SLITRK6: variants seen among roughly 807,000 people sequenced by gnomAD.
SLITRK6 encodes SLIT and NTRK-like protein 6.
SLITRK6 carries 35 observed loss-of-function variants against 55.6 expected under a neutral mutation model. The observed-to-expected ratio is 0.63, with a 90% confidence interval of 0.48 to 0.83. The LOEUF is 0.83. Ranked by LOEUF, SLITRK6 falls within the 40% of genes least tolerant of loss-of-function variation. SLITRK6 has a pLI of 0.00. For missense variants in SLITRK6, 977 were observed against 986.4 expected, an observed-to-expected ratio of 0.99 and a Z score of 0.13; for synonymous variants, 392 against 359.6, an observed-to-expected ratio of 1.09 and a Z score of -1.02.
At position 85,795,201 on chromosome 13, in the gene SLITRK6, A is replaced by G; in HGVS notation, c.1308T>C (p.Asn436=). The G allele has an allele frequency of 6.2e-7, 1 of 1,612,480 alleles. No homozygotes were observed. Among genetic ancestry groups the G allele is most frequent in the Non-Finnish European group, 8.5e-7 (1 of 1,179,288 alleles). The part of the protein sequence containing the change: ...LSKGMFLGLH[N]LEYLYLEYNA... ...TGTATTCAAGATATAAGTATTCAAG[A>G]TTATGGAGACCAAGGAACATGCCTT... The change falls in exon 2 of 2, where the codon AAT becomes AAC. Residue 436 remains asparagine (N), a synonymous_variant. Coordinates refer to ENST00000647374, the MANE Select transcript of SLITRK6 (RefSeq NM_032229.3).
rs767538981 is a variant in SLITRK6 at position 85,796,125 on chromosome 13, T to C, written c.384A>G (p.Lys128=). 4 of 1,612,216 alleles carry C rather than the reference T, an allele frequency of 2.5e-6. No homozygotes were observed. The highest frequency in any genetic ancestry group is 3.4e-6 in the Non-Finnish European group (4 of 1,179,268). Residue 128 remains lysine (K), a synonymous_variant, in exon 2 of 2, where the codon AAA becomes AAG. Coordinates refer to ENST00000647374, the MANE Select transcript of SLITRK6 (RefSeq NM_032229.3). ...HINHNSLEIL[K]EDTFHGLENL... is the part of the protein sequence containing the mutation. ...TTTCCAGTCCATGGAAAGTATCCTC[T>C]TTAAGAATTTCTAAAGAATTGTGAT...
At position 85,793,874 on chromosome 13, in the gene SLITRK6, G is replaced by T; in HGVS notation, c.*109C>A. The T allele has an allele frequency of 2.4e-6, 3 of 1,255,696 alleles. No homozygotes were observed. Among genetic ancestry groups the T allele is most frequent in the Non-Finnish European group, 2.2e-6 (2 of 927,218 alleles). The allele number at this position is 1,255,696 out of a possible 1,614,324, so 77.8% of individuals were successfully genotyped here. A position where few individuals can be genotyped will look rare whatever the true frequency, so the allele number is the denominator to read the frequency against. On this transcript the variant is annotated 3_prime_UTR_variant, in exon 2 of 2. Transcript: ENST00000647374. ...TCTTTTTTTTTCCCCATAGTTTACT[G>T]CTGTGCTTAGGTTCTGATTGATGAC...
Position 85,796,406 on chromosome 13 carries a change from A to C in SLITRK6, c.103T>G (p.Cys35Gly). Residue 35 changes from cysteine to glycine, a missense_variant, in exon 2 of 2, where the codon TGC (cysteine) becomes GGC (glycine). Cys to Gly is a radical substitution (Grantham distance 159, BLOSUM62 -3). Transcript: ENST00000647374. ...GTGCCATCTTTTTCCTCACAATTGCAAAGAGAATCACAAGAGCCTCTGGAT... is the reference window on the plus strand; with the variant it reads ...GTGCCATCTTTTTCCTCACAATTGCCAAGAGAATCACAAGAGCCTCTGGAT... ...LSSRGSCDSL[C>G]NCEEKDGTML... The C allele has an allele frequency of 6.2e-7, 1 of 1,612,486 alleles. No homozygotes were observed. The highest frequency in any genetic ancestry group is 8.5e-7 in the Non-Finnish European group (1 of 1,179,136).
intron 1 of SLITRK6, among the ~76,000 whole-genome samples, chr13:85,796,812 T>G (rs1040769273): frequency 3.3e-5 from 5 of 151,732 alleles, no homozygotes; most frequent in Admixed American, 6.6e-5. Context: ...TGTGCTCACA[T>G]CTGATGAATA....
chr13:85,793,908 G>C lies in SLITRK6; in HGVS notation c.*75C>G. On this transcript the variant is annotated 3_prime_UTR_variant, in exon 2 of 2. Transcript: ENST00000647374. Reference sequence around the variant, plus strand: ...AGGTTCTGATTGATGACACACTCACGTAAGGCACTTATTTACAAGGTATGG... The same window carrying C: ...AGGTTCTGATTGATGACACACTCACCTAAGGCACTTATTTACAAGGTATGG... 1 of 1,492,830 alleles carries C rather than the reference G, an allele frequency of 6.7e-7. No individual in the cohort carries two copies. The highest frequency in any genetic ancestry group is 9.0e-7 in the Non-Finnish European group (1 of 1,116,388). The allele number at this position is 1,492,830 out of a possible 1,614,324, so 92.5% of individuals were successfully genotyped here. A position where few individuals can be genotyped will look rare whatever the true frequency, so the allele number is the denominator to read the frequency against.
At chr13:85,798,010 T>C (rs184739118) in intron 1 of SLITRK6, among the ~76,000 whole-genome samples, 1 of 152,020 alleles carries the variant, frequency 6.6e-6, no homozygotes, top group African/African-American at 2.4e-5. Context: ...TCAACAATCC[T>C]GAAAGTAAAC....
At position 85,794,954 on chromosome 13, in the gene SLITRK6, A is replaced by G. The variant is rs1200848224; in HGVS notation, c.1555T>C (p.Trp519Arg). ...LTQIDLEDNP[W>R]DCSCDLVGLQ... ...CCAACCAGGTCACAGGAGCAGTCCC[A>G]GGGGTTATCCTCAAGGTCAATCTGG... The change falls in exon 2 of 2, where the codon TGG (tryptophan) becomes CGG (arginine). Residue 519 changes from tryptophan (W) to arginine (R), a missense_variant. Transcript: ENST00000647374. The G allele has an allele frequency of 3.1e-6, 5 of 1,613,188 alleles. No homozygotes were observed. The highest frequency in any genetic ancestry group is 4.2e-6 in the Non-Finnish European group (5 of 1,179,514).
In SLITRK6 at chr13:85,792,875, T is replaced by A. The variant is rs7998922; in HGVS notation, c.*1108A>T. ...AATAATTACTTTTGTGAACCAAAAC[T>A]ATATAAAACTGTACAGAATAAATAT... On this transcript the variant is annotated 3_prime_UTR_variant, in exon 2 of 2. Coordinates refer to ENST00000647374, the MANE Select transcript of SLITRK6 (RefSeq NM_032229.3). 1 of 152,044 alleles carries A rather than the reference T, an allele frequency of 6.6e-6. No homozygotes were observed. Among genetic ancestry groups the A allele is most frequent in the African/African-American group, 2.4e-5 (1 of 41,316 alleles). The allele number at this position is 152,044 out of a possible 1,614,324, so 9.4% of individuals were successfully genotyped here.
Position 85,795,239 on chromosome 13 carries a change from T to C in SLITRK6, c.1270A>G (p.Thr424Ala), listed in dbSNP as rs766663318. 16 of 1,612,592 alleles carry C rather than the reference T, an allele frequency of 9.9e-6. No individual in the cohort carries two copies. In the Admixed American group the frequency reaches 2.7e-4, roughly 27 times the overall value. The change falls in exon 2 of 2, where the codon ACC becomes GCC. Residue 424 changes from threonine (T) to alanine (A), a missense_variant. Physicochemically the swap from Thr to Ala is moderately conservative, Grantham distance 58. Transcript: ENST00000647374. ...AGGAACATGCCTTTACTTAATTTGG[T>C]CAGGTGGTTACCATTTAGATAGAGT... ...QKLYLNGNHL[T>A]KLSKGMFLGL...
chr13:85,794,842 TC>T lies in SLITRK6; in HGVS notation c.1666del (p.Glu556AsnfsTer2). 1 of 1,613,122 alleles carries T rather than the reference TC, an allele frequency of 6.2e-7. No homozygotes were observed. Among genetic ancestry groups the T allele is most frequent in the Non-Finnish European group, 8.5e-7 (1 of 1,179,480 alleles). On this transcript the variant is annotated frameshift_variant, in exon 2 of 2. Coordinates refer to ENST00000647374, the MANE Select transcript of SLITRK6 (RefSeq NM_032229.3). LOFTEE classifies it high-confidence loss of function. ...CTSPGHLDKKELKALNSEILC... is the reference protein window; with the variant it reads ...CTSPGHLDKKXLKALNSEILC... ...AATTTCACTATTTAGGGCTTTCAAT[TC>T]CTTTTTGTCGAGATGCCCGGGGGAA...
chr13:85,795,579 T>C lies in SLITRK6; in HGVS notation c.930A>G (p.Ala310=), dbSNP rs1874691400. The C allele has an allele frequency of 6.2e-7, 1 of 1,612,738 alleles. No homozygotes were observed. Among genetic ancestry groups the C allele is most frequent in the African/African-American group, 1.3e-5 (1 of 74,788 alleles). Residue 310 remains alanine (A), a synonymous_variant, in exon 2 of 2, where the codon GCA becomes GCG. Transcript: ENST00000647374. ...TTGTAATATAAGGTATCAAACCTGGTGCTTTGGTGGGTAGTTTTAGAATGG... is the reference window on the plus strand; with the variant it reads ...TTGTAATATAAGGTATCAAACCTGGCGCTTTGGTGGGTAGTTTTAGAATGG... ...TTSILKLPTK[A]PGLIPYITKP... is the part of the protein sequence containing the mutation.
chr13:85,795,878 A>G lies in SLITRK6; in HGVS notation c.631T>C (p.Leu211=), dbSNP rs771015002. 2.3e-5 allele frequency: 37 copies of G among 1,612,958 alleles called. No individual in the cohort carries two copies. In the East Asian group the frequency reaches 7.8e-4, roughly 34 times the overall value. The change falls in exon 2 of 2, where the codon TTG becomes CTG. Residue 211 remains leucine, a synonymous_variant. Coordinates refer to ENST00000647374, the MANE Select transcript of SLITRK6 (RefSeq NM_032229.3). ...TTGTTGTCCTCCAACTGAAGATCCA[A>G]TATTCGGCCAATGTGTTCGAGAAAA... ...VGFLEHIGRI[L]DLQLEDNKWA... is the part of the protein sequence containing the mutation.
Position 85,795,771 on chromosome 13 carries a change from G to C in SLITRK6, c.738C>G (p.Val246=), listed in dbSNP as rs763648191. Reference sequence around the variant, plus strand: ...CTTTAAAAAATGGAGGGCTGTTGCAGACAACATCACCAATTATAGACTGTG... The same window carrying C: ...CTTTAAAAAATGGAGGGCTGTTGCACACAACATCACCAATTATAGACTGTG... ...MPPQSIIGDV[V]CNSPPFFKGS... The change falls in exon 2 of 2, where the codon GTC becomes GTG. Residue 246 remains valine, a synonymous_variant. Transcript: ENST00000647374. 8 of 1,612,862 alleles carry C rather than the reference G, an allele frequency of 5.0e-6. No homozygotes were observed. In the Admixed American group the frequency reaches 1.3e-4, roughly 27 times the overall value.
Position 85,796,081 on chromosome 13 carries a change from G to C in SLITRK6, c.428C>G (p.Ala143Gly). 3 of 1,612,760 alleles carry C rather than the reference G, an allele frequency of 1.9e-6. No individual in the cohort carries two copies. The highest frequency in any genetic ancestry group is 2.5e-6 in the Non-Finnish European group (3 of 1,179,380). ...AATCACTGTGATAAAATTGTTATCT[G>C]CTTGCAGGAATTCCAGGTTTTCCAG... ...HGLENLEFLQ[A>G]DNNFITVIEP... is the part of the protein sequence containing the mutation. The change falls in exon 2 of 2, where the codon GCA (alanine) becomes GGA (glycine). Residue 143 changes from alanine to glycine, a missense_variant. Physicochemically the swap from Ala to Gly is moderately conservative, Grantham distance 60 (BLOSUM62 0). Coordinates refer to ENST00000647374, the MANE Select transcript of SLITRK6 (RefSeq NM_032229.3).
chr13:85,796,413 A>T lies in SLITRK6; in HGVS notation c.96T>A (p.Asp32Glu). ...TPVLSSRGSC[D>E]SLCNCEEKDG... ...CTTTTTCCTCACAATTGCAAAGAGA[A>T]TCACAAGAGCCTCTGGATGAGAGCA... is the stretch of plus-strand genomic sequence containing the variant. Residue 32 changes from aspartate to glutamate, a missense_variant, in exon 2 of 2, where the codon GAT (aspartate) becomes GAA (glutamate). Asp to Glu is a conservative substitution (Grantham distance 45). Coordinates refer to ENST00000647374, the MANE Select transcript of SLITRK6 (RefSeq NM_032229.3). 2.5e-6 allele frequency: 4 copies of T among 1,612,354 alleles called. No homozygotes were observed. Among genetic ancestry groups the T allele is most frequent in the Non-Finnish European group, 3.4e-6 (4 of 1,179,096 alleles).
In SLITRK6 at chr13:85,794,127, G is replaced by T; in HGVS notation, c.2382C>A (p.His794Gln). The T allele has an allele frequency of 6.2e-7, 1 of 1,612,882 alleles. No homozygotes were observed. Among genetic ancestry groups the T allele is most frequent in the Non-Finnish European group, 8.5e-7 (1 of 1,179,374 alleles). The change falls in exon 2 of 2, where the codon CAC (histidine) becomes CAA (glutamine). Residue 794 changes from histidine to glutamine, a missense_variant. Transcript: ENST00000647374. ...ATGTTTCCATTAACTTCAGCTCTTC[G>T]TGGGCTCCAGGATAATGTGCCTCCA... ...PDMEAHYPGA[H>Q]EELKLMETLM...
At chr13:85,798,664 A>G (rs1481833554) in intron 1 of SLITRK6, among the ~76,000 whole-genome samples, 1 of 152,052 alleles carries the variant, frequency 6.6e-6, no homozygotes, top group African/African-American at 2.4e-5. Context: ...TCTAACAACA[A>G]ACTGCATGTT....
At chr13:85,797,817 T>A (rs999845394) in intron 1 of SLITRK6, among the ~76,000 whole-genome samples, 13 of 151,760 alleles carry the variant, frequency 8.6e-5, no homozygotes, top group Admixed American at 5.9e-4. Context: ...TGAGATCTAA[T>A]TTTATTTCCT....
Position 85,795,137 on chromosome 13 carries a change from TTGGATTAA to T in SLITRK6, c.1364_1371del (p.Phe455TyrfsTer3). 1 of 1,612,972 alleles carries T rather than the reference TTGGATTAA, an allele frequency of 6.2e-7. No individual in the cohort carries two copies. Among genetic ancestry groups the T allele is most frequent in the Non-Finnish European group, 8.5e-7 (1 of 1,179,370 alleles). On this transcript the variant is annotated frameshift_variant, in exon 2 of 2. Transcript: ENST00000647374. LOFTEE classifies it high-confidence loss of function. Reference sequence around the variant, plus strand: ...AAATACAGGACTTTAAGTTTAGGCATTGGATTAAAGGTTCCTGGCAGTATTTCCTTAAT... The same window carrying T: ...AAATACAGGACTTTAAGTTTAGGCATAGGTTCCTGGCAGTATTTCCTTAAT...
Sources: allele counts gnomAD v4.1 joint callset (sites outside exome capture counted in the v4.1 genomes callset), GRCh38; gene constraint gnomAD v4.1.1; transcripts MANE v1.5; gene names NCBI Gene and HGNC (gene_info 2026-07-23, HGNC 2026-07-21).